The following C4orf51 variants were observed in gnomAD, a reference collection of about 807,000 sequenced individuals.
C4orf51 encodes chromosome 4 open reading frame 51.
Under a neutral mutation model 25.2 loss-of-function variants are expected in C4orf51, and 25 were observed. That is an observed-to-expected ratio of 0.99 (90% CI 0.72 to 1.39). The LOEUF (loss-of-function observed/expected upper bound fraction) is 1.39. C4orf51 is among the 40% of genes most tolerant of loss of function. The probability of loss-of-function intolerance (pLI) is 0.00; values close to 1 mark genes in which losing one functional copy is unlikely to be tolerated. For missense variants in C4orf51, 252 were observed against 239.6 expected, an observed-to-expected ratio of 1.05 and a Z score of -0.34; for synonymous variants, 100 against 84.5, an observed-to-expected ratio of 1.18 and a Z score of -1.01.
chr4:145,715,740 G>A (rs1421557377), intron 2 of C4orf51, among the ~76,000 whole-genome samples: 2 of 152,146 alleles, frequency 1.3e-5, no homozygotes, highest in African/African-American at 4.8e-5. Context: ...GATTCTTGAT[G>A]GTAGCCCCAA....
At chr4:145,698,621 G>A (rs1209828192) in intron 2 of C4orf51, among the ~76,000 whole-genome samples, 2 of 152,166 alleles carry the variant, frequency 1.3e-5, no homozygotes, top group African/African-American at 4.8e-5. Context: ...GATTTAAAGA[G>A]TCTGTTCTAT....
intron 5 of C4orf51, 123 bp from the exon 6 acceptor site, chr4:145,732,330 A>C: frequency 1.6e-6 from 1 of 627,278 alleles, no homozygotes; most frequent in Non-Finnish European, 2.9e-6. Flanking sequence ...AAAATGCAGG[A>C]TCAATCCCAT....
rs371194074 is a variant in C4orf51, at chr4:145,729,454, A to C, written c.427+225A>C. On this transcript the variant is annotated intron_variant, in intron 4 of 5. Coordinates refer to ENST00000438731, the MANE Select transcript of C4orf51 (RefSeq NM_001080531.3). ...GTAGCTGGGACTACCGGCGCCCGCC[A>C]CCACACCCGGCTAATTTTTTGTATT... Among the ~76,000 whole-genome samples, 56 of 151,938 alleles carry C rather than the reference A, an allele frequency of 3.7e-4. No individual in the cohort carries two copies. The South Asian group carries it at 4.0e-3, about 11-fold the overall frequency.
At chr4:145,723,864 A>G (rs978306390) in intron 2 of C4orf51, among the ~76,000 whole-genome samples, 10 of 152,210 alleles carry the variant, frequency 6.6e-5, no homozygotes, top group African/African-American at 2.4e-4. Context: ...TGACCTCGCA[A>G]AGAAAAGTCA....
chr4:145,772,092 C>A (rs1039929871), downstream of C4orf51, among the ~76,000 whole-genome samples: 1 of 152,136 alleles, frequency 6.6e-6, no homozygotes, highest in Non-Finnish European at 1.5e-5. Flanking sequence ...ACATAGATTA[C>A]AGAAATAAGT....
intron 2 of C4orf51, among the ~76,000 whole-genome samples, chr4:145,716,962 A>G (rs1038742648): frequency 2.6e-5 from 4 of 152,242 alleles, no homozygotes; most frequent in Non-Finnish European, 5.9e-5. Flanking sequence ...GAAACACACT[A>G]CATAGCTTGA....
chr4:145,765,455 T>G lies in C4orf51; in HGVS notation n.167-5533T>G. 6.9e-7 allele frequency: 1 copy of G among 1,449,556 alleles called. No individual in the cohort carries two copies. The highest frequency in any genetic ancestry group is 9.3e-7 in the Non-Finnish European group (1 of 1,080,792). The allele number at this position is 1,449,556 out of a possible 1,614,324, so 89.8% of individuals were successfully genotyped here. A position where few individuals can be genotyped will look rare whatever the true frequency, so the allele number is the denominator to read the frequency against. ...ACTGCATCCTGGGCCTATTATCAGT[T>G]TTTGACATCGCTCCTGTGCAGGGCT... On this transcript the variant is annotated intron_variant and non_coding_transcript_variant, in intron 1 of 1. Transcript: ENST00000510096. The surrounding 1 kb of genome is among the most constrained non-coding windows in gnomAD (Gnocchi z 4.7).
chr4:145,789,032 A>G, the C4orf51 span, among the ~76,000 whole-genome samples: 1 of 152,204 alleles, frequency 6.6e-6, no homozygotes, highest in Non-Finnish European at 1.5e-5. Flanking sequence ...GTTCTAGACA[A>G]TGAGATATAG....
At chr4:145,790,161 T>C in the C4orf51 span, among the ~76,000 whole-genome samples, 1 of 152,206 alleles carries the variant, frequency 6.6e-6, no homozygotes, top group Non-Finnish European at 1.5e-5. Flanking sequence ...AGCAAATCTT[T>C]AAATTCAAAA....
chr4:145,773,960 G>A (rs966312634), downstream of C4orf51, among the ~76,000 whole-genome samples: 20 of 152,264 alleles, frequency 1.3e-4, no homozygotes, highest in Admixed American at 1.2e-3. Context: ...CAGAGAGCAA[G>A]CTCTGGAATG....
At position 145,731,520 on chromosome 4, in the gene C4orf51, C is replaced by CA. The variant is rs540456376; in HGVS notation, c.502-926dup. ...AAAACCTTGGACCTAGAGTCCTGAG[C>CA]AAAAAAATAAATCATGACTTTTTAT... On this transcript the variant is annotated intron_variant, in intron 5 of 5. Transcript: ENST00000438731. Among the ~76,000 whole-genome samples, 36 of 134,884 alleles carry CA rather than the reference C, an allele frequency of 2.7e-4. No homozygotes were observed. The South Asian group carries it at 8.6e-3, about 32-fold the overall frequency. 88.5% of individuals were successfully genotyped at this position (134,884 alleles called of 152,430 possible).
the C4orf51 span, among the ~76,000 whole-genome samples, chr4:145,791,418 T>TG: frequency 6.6e-6 from 1 of 152,100 alleles, no homozygotes; most frequent in Non-Finnish European, 1.5e-5. Flanking sequence ...TGAATTGAAA[T>TG]GGGGGGACAT....
At chr4:145,712,407 C>G (rs556691244) in intron 2 of C4orf51, among the ~76,000 whole-genome samples, 1 of 152,164 alleles carries the variant, frequency 6.6e-6, no homozygotes, top group Non-Finnish European at 1.5e-5. Context: ...CTCCAGTGAA[C>G]GCACAAATGA....
At position 145,765,254 on chromosome 4, in the gene C4orf51, C is replaced by G. The variant is rs34284109; in HGVS notation, n.167-5734C>G. The G allele has an allele frequency of 5.3e-5, 74 of 1,387,802 alleles. No individual in the cohort carries two copies. The South Asian group carries it at 9.2e-4, about 17-fold the overall frequency. The allele number at this position is 1,387,802 out of a possible 1,614,324, so 86.0% of individuals were successfully genotyped here. On this transcript the variant is annotated intron_variant and non_coding_transcript_variant, in intron 1 of 1. Coordinates refer to the C4orf51 transcript ENST00000510096. The surrounding 1 kb of genome is among the most constrained non-coding windows in gnomAD (Gnocchi z 4.7). Reference sequence around the variant, plus strand: ...AGCCAAGCTCCTCCCCACTTCCTCCCGCCTCCTCCGACGCCTGACAGCTAT... The same window carrying G: ...AGCCAAGCTCCTCCCCACTTCCTCCGGCCTCCTCCGACGCCTGACAGCTAT...
intron 5 of C4orf51, 96 bp downstream of exon 5, chr4:145,730,061 C>T (rs1732375898): frequency 1.0e-6 from 1 of 996,120 alleles, no homozygotes; most frequent in East Asian, 2.4e-5. Context: ...GGGTGGTGGC[C>T]TGTGTATGTT....
At chr4:145,728,929 T>G (rs969614442) in intron 3 of C4orf51, among the ~76,000 whole-genome samples, 3 of 152,020 alleles carry the variant, frequency 2.0e-5, no homozygotes, top group Non-Finnish European at 2.9e-5. Flanking sequence ...CTTTTTTTTT[T>G]GAGACAGGGT....
intron 1 of C4orf51, among the ~76,000 whole-genome samples, chr4:145,766,934 G>A (rs576216205): frequency 5.3e-5 from 8 of 152,142 alleles, no homozygotes; most frequent in South Asian, 2.1e-4. Flanking sequence ...CCAAAGGAAC[G>A]AGGTTTCCAG....
chr4:145,766,377 T>C (rs147117673), intron 1 of C4orf51, among the ~76,000 whole-genome samples: 105 of 152,130 alleles, frequency 6.9e-4, no homozygotes, highest in African/African-American at 2.2e-3. Context: ...TCAGACAAAA[T>C]ATACCAAATG....
intron 1 of C4orf51, among the ~76,000 whole-genome samples, chr4:145,684,251 G>T (rs1005625872): frequency 6.6e-6 from 1 of 152,132 alleles, no homozygotes; most frequent in Non-Finnish European, 1.5e-5. Context: ...GGGAGGTCAA[G>T]GCAGGCAGAT....
Sources: allele counts gnomAD v4.1 joint callset (sites outside exome capture counted in the v4.1 genomes callset), GRCh38; gene constraint gnomAD v4.1.1; non-coding constraint Gnocchi (gnomAD v3.1); transcripts MANE v1.5; gene names NCBI Gene and HGNC (gene_info 2026-07-23, HGNC 2026-07-21).